The following RNF103 variants were observed in gnomAD, a reference collection of about 807,000 sequenced individuals.
RNF103 encodes ring finger protein 103.
In RNF103, 23 loss-of-function variants were observed where a neutral mutation model predicts 66.2. That is an observed-to-expected ratio of 0.35 (90% confidence interval 0.25 to 0.49). The LOEUF (loss-of-function observed/expected upper bound fraction) is 0.49, where lower values mean the gene tolerates loss of function less well. Among genes scored for constraint, RNF103 ranks in the 20% least tolerant of loss-of-function variants. The pLI, the probability that RNF103 is intolerant of heterozygous loss-of-function variation, is 0.98. For synonymous variants in RNF103, 297 were observed against 289.9 expected, an observed-to-expected ratio of 1.02 and a Z score of -0.25; for missense variants, 730 against 814.7, an observed-to-expected ratio of 0.90 and a Z score of 1.27.
chr2:86,607,236 A>C (rs1489980191), intron 3 of RNF103, among the ~76,000 whole-genome samples: 1 of 152,206 alleles, frequency 6.6e-6, no homozygotes, highest in East Asian at 1.9e-4. Flanking sequence ...TATTGATGTA[A>C]AAGTCATAGA....
At chr2:86,619,772 G>A (rs1679154313) in intron 2 of RNF103, among the ~76,000 whole-genome samples, 1 of 152,004 alleles carries the variant, frequency 6.6e-6, no homozygotes, top group African/African-American at 2.4e-5. Flanking sequence ...TGCTAATTAA[G>A]TCTCACAGTT....
intron 3 of RNF103, among the ~76,000 whole-genome samples, chr2:86,609,862 T>TA (rs896343723): frequency 3.3e-4 from 51 of 152,264 alleles, no homozygotes; most frequent in African/African-American, 1.2e-3. Context: ...TTGGTATTTT[T>TA]AAAACTCCAA....
Position 86,623,271 on chromosome 2 carries a change from C to A in RNF103, c.-385G>T, listed in dbSNP as rs921850213. 54 of 997,480 alleles carry A rather than the reference C, an allele frequency of 5.4e-5. No individual in the cohort carries two copies. The African/African-American group carries it at 9.4e-4, about 17-fold the overall frequency. The allele number at this position is 997,480 out of a possible 1,614,324, so 61.8% of individuals were successfully genotyped here. On this transcript the variant is annotated 5_prime_UTR_variant, in exon 1 of 4. Transcript: ENST00000237455. ...CACTGACCCAGGTGGCGGGGTCGGC[C>A]CTCCGGTGCCGCGATCTCAAGGGGG...
At chr2:86,614,819 T>G (rs561336254) in intron 2 of RNF103, 7 of 984,308 alleles carry the variant, frequency 7.1e-6, no homozygotes, top group Non-Finnish European at 8.4e-6. Context: ...CATACTACCA[T>G]ACTCTCTACT....
intron 3 of RNF103, among the ~76,000 whole-genome samples, chr2:86,610,569 T>A (rs867591360): frequency 1.3e-5 from 2 of 152,348 alleles, no homozygotes; most frequent in South Asian, 4.1e-4. Flanking sequence ...AGACTTTAAT[T>A]AATGCATTCA....
At position 86,604,191 on chromosome 2, in the gene RNF103, G is replaced by C; in HGVS notation, c.1710C>G (p.His570Gln). Reference protein sequence around the residue: ...VLHNSPGTASHCDAEACSCAN... With the variant: ...VLHNSPGTASQCDAEACSCAN... ...CACATGAACAAGCCTCAGCATCACA[G>C]TGACTTGCTGTTCCTGGAGAATTGT... Residue 570 changes from histidine to glutamine, a missense_variant, in exon 4 of 4, where the codon CAC becomes CAG. By Grantham distance (24) the His-to-Gln change is conservative. Around this residue, in one of 3 missense-constraint regions of RNF103, gnomAD observed 355 missense variants for 351.9 expected, o/e 1.01. Coordinates refer to ENST00000237455, the MANE Select transcript of RNF103 (RefSeq NM_005667.4). 1 of 1,613,908 alleles carries C rather than the reference G, an allele frequency of 6.2e-7. No individual in the cohort carries two copies. The highest frequency in any genetic ancestry group is 8.5e-7 in the Non-Finnish European group (1 of 1,180,032).
chr2:86,606,680 A>G (rs1368301465), intron 3 of RNF103, among the ~76,000 whole-genome samples: 1 of 151,466 alleles, frequency 6.6e-6, no homozygotes, highest in East Asian at 1.9e-4. Context: ...AAAAAAAAAA[A>G]AAAAAAAGAA....
chr2:86,611,163 G>A (rs888216611), intron 3 of RNF103, among the ~76,000 whole-genome samples: 9 of 150,342 alleles, frequency 6.0e-5, no homozygotes, highest in Admixed American at 5.3e-4. Context: ...CTGAGTCACA[G>A]AGCCAAATCC....
At chr2:86,619,421 C>T (rs986631468) in intron 2 of RNF103, among the ~76,000 whole-genome samples, 1 of 152,170 alleles carries the variant, frequency 6.6e-6, no homozygotes, top group African/African-American at 2.4e-5. Context: ...TTCAATACTA[C>T]CAACTAGTTC....
chr2:86,606,662 C>CAAAAAAAAAAA (rs200897796), intron 3 of RNF103, among the ~76,000 whole-genome samples: 25 of 97,370 alleles, frequency 2.6e-4, no homozygotes, highest in Non-Finnish European at 3.3e-4. Flanking sequence ...AACTTCGTCT[C>CAAAAAAAAAAA]AAAAAAAAAA....
chr2:86,604,667 A>G lies in RNF103; in HGVS notation c.1234T>C (p.Phe412Leu). 6.2e-7 allele frequency: 1 copy of G among 1,614,190 alleles called. No homozygotes were observed. Among genetic ancestry groups the G allele is most frequent in the Non-Finnish European group, 8.5e-7 (1 of 1,180,034 alleles). Residue 412 changes from phenylalanine (F) to leucine (L), a missense_variant, in exon 4 of 4, where the codon TTT becomes CTT. Coordinates refer to ENST00000237455, the MANE Select transcript of RNF103 (RefSeq NM_005667.4). ...AACAGGGCTGGGTGTGAAGAGTAAA[A>G]CATCCAGTCTGCCCTTACCCATGAA... ...LASWVRADWM[F>L]YSSHPALFLS...
intron 2 of RNF103, chr2:86,616,810 C>G (rs908037335): frequency 2.0e-6 from 2 of 985,270 alleles, no homozygotes; most frequent in African/African-American, 3.5e-5. Context: ...AAAGTCAAAA[C>G]GGAGAAACAG....
At position 86,623,083 on chromosome 2, in the gene RNF103, G is replaced by C. The variant is rs966968969; in HGVS notation, c.-197C>G. On this transcript the variant is annotated 5_prime_UTR_variant, in exon 1 of 4. Coordinates refer to ENST00000237455, the MANE Select transcript of RNF103 (RefSeq NM_005667.4). ...CCGCGCGGGCGCGAGGCGGCGACGA[G>C]GGACGCAGAGACGCAGAGCCTCGCG... 1.9e-5 allele frequency: 25 copies of C among 1,291,484 alleles called. No individual in the cohort carries two copies. The highest frequency in any genetic ancestry group is 2.0e-5 in the Non-Finnish European group (20 of 1,025,266). The allele number at this position is 1,291,484 out of a possible 1,614,324, so 80.0% of individuals were successfully genotyped here. A position where few individuals can be genotyped will look rare whatever the true frequency, so the allele number is the denominator to read the frequency against.
At chr2:86,617,192 G>C in intron 2 of RNF103, 1 of 985,356 alleles carries the variant, frequency 1.0e-6, no homozygotes, top group African/African-American at 1.7e-5. Context: ...TACGTAACAT[G>C]GACCTGGAAA....
In RNF103 at chr2:86,604,169, A is replaced by G. The variant is rs1454923027; in HGVS notation, c.1732T>C (p.Cys578Arg). 2 of 1,613,622 alleles carry G rather than the reference A, an allele frequency of 1.2e-6. No individual in the cohort carries two copies. The highest frequency in any genetic ancestry group is 2.2e-5 in the East Asian group (1 of 44,906). Residue 578 changes from cysteine (C) to arginine (R), a missense_variant, in exon 4 of 4, where the codon TGT becomes CGT. Transcript: ENST00000237455. ...CTGGTCTGACAATATTTATTGGCAC[A>G]TGAACAAGCCTCAGCATCACAGTGA... ...ASHCDAEACS[C>R]ANKYCQTSPC...
intron 2 of RNF103, among the ~76,000 whole-genome samples, chr2:86,619,814 T>C (rs1313708880): frequency 2.0e-5 from 3 of 152,174 alleles, no homozygotes; most frequent in African/African-American, 7.2e-5. Flanking sequence ...TTAAAAATTA[T>C]AATCTCATCA....
intron 2 of RNF103, chr2:86,616,555 A>G (rs895700742): frequency 1.1e-5 from 11 of 985,426 alleles, no homozygotes; most frequent in Non-Finnish European, 1.3e-5. Context: ...GAAATACGTA[A>G]TTTAGAATCT....
Position 86,605,386 on chromosome 2 carries a change from G to A in RNF103, c.515C>T (p.Thr172Ile). ...TGTTTGTGGAACAGACATAATGAGT[G>A]TGGATCGGACCCAGCCTCTTCTCCT... ...YCRRRGWVRS[T>I]LIMSVPQTST... The change falls in exon 4 of 4, where the codon ACA (threonine) becomes ATA (isoleucine). Residue 172 changes from threonine (T) to isoleucine (I), a missense_variant. Transcript: ENST00000237455. 15 of 1,613,768 alleles carry A rather than the reference G, an allele frequency of 9.3e-6. No individual in the cohort carries two copies. Among genetic ancestry groups the A allele is most frequent in the Non-Finnish European group, 1.1e-5 (13 of 1,179,778 alleles).
rs1678436936 is a variant in RNF103, at chr2:86,603,860, T to G, written c.2041A>C (p.Asn681His). 2.5e-6 allele frequency: 4 copies of G among 1,611,534 alleles called. No individual in the cohort carries two copies. Among genetic ancestry groups the G allele is most frequent in the Admixed American group, 3.4e-5 (2 of 59,324 alleles). The change falls in exon 4 of 4, where the codon AAT becomes CAT. Residue 681 changes from asparagine to histidine, a missense_variant. Asn to His is a moderately conservative substitution (Grantham distance 68). This residue lies in a region of RNF103 where 355 missense variants were observed against 351.9 expected (regional missense o/e 1.01). Coordinates refer to ENST00000237455, the MANE Select transcript of RNF103 (RefSeq NM_005667.4). ...QPYAQHQPLSNDVPS is the reference protein window; with the variant it reads ...QPYAQHQPLSHDVPS ...GCACATGGTTAAGATGGGACATCAT[T>G]TGACAAGGGCTGGTGTTGTGCATAT...
Sources: gnomAD v4.1 joint callset for allele counts (sites outside exome capture counted in the v4.1 genomes callset) on GRCh38, gnomAD v4.1.1 for gene constraint, gnomAD v4.1.1 regional missense constraint, MANE v1.5 for transcripts, NCBI Gene and HGNC (gene_info 2026-07-23, HGNC 2026-07-21) for gene names.